NRCAM: variants seen among roughly 807,000 people sequenced by gnomAD.
NRCAM encodes the protein neuronal cell adhesion molecule.
NRCAM carries 83 observed loss-of-function variants against 156.5 expected under a neutral mutation model. That is an observed-to-expected ratio of 0.53 (90% CI 0.44 to 0.64). The LOEUF (loss-of-function observed/expected upper bound fraction) is 0.64, where lower values mean the gene tolerates loss of function less well. NRCAM is among the 30% of genes least tolerant of loss of function. The probability of loss-of-function intolerance (pLI) is 0.00; values close to 1 mark genes in which losing one functional copy is unlikely to be tolerated. For missense variants in NRCAM, 1,417 were observed against 1,597.3 expected, an observed-to-expected ratio of 0.89 and a Z score of 1.92; for synonymous variants, 538 against 563.9, an observed-to-expected ratio of 0.95 and a Z score of 0.65.
intron 1 of NRCAM, among the ~76,000 whole-genome samples, chr7:108,442,252 G>A (rs1839396728): frequency 6.6e-6 from 1 of 152,146 alleles, no homozygotes; most frequent in African/African-American, 2.4e-5. Context: ...ACAGACAGCA[G>A]CTGCCACGAG....
chr7:108,190,420 C>G (rs1175892813), intron 19 of NRCAM, among the ~76,000 whole-genome samples: 2 of 152,100 alleles, frequency 1.3e-5, no homozygotes, highest in Non-Finnish European at 2.9e-5. Flanking sequence ...TTTATTTGAC[C>G]TTGCTCCTAG....
At chr7:108,382,155 G>A (rs1401335943) in intron 2 of NRCAM, among the ~76,000 whole-genome samples, 1 of 152,016 alleles carries the variant, frequency 6.6e-6, no homozygotes, top group Admixed American at 6.6e-5. Flanking sequence ...AACCCACAGA[G>A]TCACAGAAGA....
At chr7:108,442,659 T>C (rs1839947654) in intron 1 of NRCAM, among the ~76,000 whole-genome samples, 1 of 152,224 alleles carries the variant, frequency 6.6e-6, no homozygotes, top group Non-Finnish European at 1.5e-5. Context: ...CCCATGCTAG[T>C]ACATCTGCAA....
At chr7:108,207,448 T>A in intron 13 of NRCAM, 80 bp downstream of exon 13, 1 of 1,432,024 alleles carries the variant, frequency 7.0e-7, no homozygotes, top group Non-Finnish European at 9.5e-7. Flanking sequence ...GAGTTATTTT[T>A]TTATCACCAT....
chr7:108,397,594 C>T (rs143082975), intron 2 of NRCAM, among the ~76,000 whole-genome samples: 5 of 152,230 alleles, frequency 3.3e-5, no homozygotes, highest in African/African-American at 1.2e-4. Flanking sequence ...CTGAAGAATG[C>T]AAGAAAGACC....
intron 2 of NRCAM, among the ~76,000 whole-genome samples, chr7:108,384,028 A>G (rs887544552): frequency 1.3e-5 from 2 of 152,200 alleles, no homozygotes; most frequent in Non-Finnish European, 2.9e-5. Context: ...TCCAGCTCTT[A>G]TAAGTGGGAG....
intron 11 of NRCAM, among the ~76,000 whole-genome samples, chr7:108,215,852 T>G (rs567245437): frequency 4.6e-5 from 7 of 152,254 alleles, no homozygotes; most frequent in Admixed American, 3.9e-4. Flanking sequence ...TGATGGGTCT[T>G]GATTCGTTAT....
intron 8 of NRCAM, among the ~76,000 whole-genome samples, chr7:108,228,469 G>T (rs1177364809): frequency 6.6e-6 from 1 of 151,912 alleles, no homozygotes; most frequent in Non-Finnish European, 1.5e-5. Flanking sequence ...TTAGGCGATG[G>T]GACTTCATGA....
intron 1 of NRCAM, among the ~76,000 whole-genome samples, chr7:108,444,036 T>C (rs1313881429): frequency 6.6e-6 from 1 of 152,142 alleles, no homozygotes; most frequent in Non-Finnish European, 1.5e-5. Context: ...TTTGCATCTG[T>C]AGATTCAACC....
intron 3 of NRCAM, among the ~76,000 whole-genome samples, chr7:108,275,481 A>G (rs2097559538): frequency 6.6e-6 from 1 of 152,240 alleles, no homozygotes; most frequent in Admixed American, 6.5e-5. Context: ...GTATTTGTCC[A>G]GGAATTTATC....
At chr7:108,274,798 G>A (rs185080460) in intron 3 of NRCAM, among the ~76,000 whole-genome samples, 20 of 152,290 alleles carry the variant, frequency 1.3e-4, no homozygotes, top group Non-Finnish European at 2.6e-4. Flanking sequence ...GGCGACAGAC[G>A]GCATCCTTGT....
intron 1 of NRCAM, among the ~76,000 whole-genome samples, chr7:108,418,215 G>T (rs540201267): frequency 1.3e-5 from 2 of 152,194 alleles, no homozygotes; most frequent in African/African-American, 4.8e-5. Context: ...AGTGCAAAAG[G>T]ACTTGCTGAC....
chr7:108,226,358 T>C lies in NRCAM; in HGVS notation c.571A>G (p.Ser191Gly), dbSNP rs759512991. 1 of 1,612,680 alleles carries C rather than the reference T, an allele frequency of 6.2e-7. No individual in the cohort carries two copies. Among genetic ancestry groups the C allele is most frequent in the Non-Finnish European group, 8.5e-7 (1 of 1,179,264 alleles). Reference sequence around the variant, plus strand: ...TTCAAACCTTGAGAAACTCTCTCACTTTGTGGAAGTCTTTGAAAGGCTGGA... The same window carrying C: ...TTCAAACCTTGAGAAACTCTCTCACCTTGTGGAAGTCTTTGAAAGGCTGGA... ...MDNSFQRLPQ[S>G]ERVSQGLNGD... Residue 191 changes from serine (S) to glycine (G), a missense_variant, in exon 9 of 33, where the codon AGT becomes GGT. Ser to Gly is a moderately conservative substitution (Grantham distance 56). Coordinates refer to ENST00000379028, the MANE Select transcript of NRCAM (RefSeq NM_001037132.4).
intron 29 of NRCAM, among the ~76,000 whole-genome samples, chr7:108,167,509 C>T (rs142805118): frequency 2.6e-5 from 4 of 152,146 alleles, no homozygotes; most frequent in Non-Finnish European, 4.4e-5. Context: ...TGCCTTCCAA[C>T]GTATCCAATT....
rs114694815 is a variant in NRCAM, at chr7:108,338,752, A to T, written c.-173-26021T>A. Among the ~76,000 whole-genome samples the T allele has an allele frequency of 5.4e-3, 816 of 151,282 alleles. 7 individuals carry two copies. The highest frequency in any genetic ancestry group is 0.017 in the African/African-American group (712 of 41,152). On this transcript the variant is annotated intron_variant, in intron 2 of 32. Coordinates refer to ENST00000379028, the MANE Select transcript of NRCAM (RefSeq NM_001037132.4). ...TTCCTTTAAAAGCCAGGGTAAATTT[A>T]AAAAACCTATACTTGATAATTGAAG...
At chr7:108,154,955 T>C (rs1008798885) in intron 32 of NRCAM, among the ~76,000 whole-genome samples, 1 of 152,012 alleles carries the variant, frequency 6.6e-6, no homozygotes, top group Non-Finnish European at 1.5e-5. Flanking sequence ...AATTCCAAGA[T>C]GAATTTTGTA....
intron 2 of NRCAM, among the ~76,000 whole-genome samples, chr7:108,369,046 T>C (rs1428037336): frequency 6.6e-6 from 1 of 152,182 alleles, no homozygotes; most frequent in Non-Finnish European, 1.5e-5. Flanking sequence ...ATGTATTCTA[T>C]ATAATTCTCT....
intron 32 of NRCAM, among the ~76,000 whole-genome samples, chr7:108,151,315 T>C (rs2150906039): frequency 6.6e-6 from 1 of 152,234 alleles, no homozygotes; most frequent in South Asian, 2.1e-4. Context: ...TTTTTACTAA[T>C]GTAAAAATGA....
intron 3 of NRCAM, among the ~76,000 whole-genome samples, chr7:108,309,184 T>A (rs1212385597): frequency 6.6e-6 from 1 of 152,238 alleles, no homozygotes; most frequent in Non-Finnish European, 1.5e-5. Flanking sequence ...AGTATGCTAA[T>A]GTTTCAAGAG....
Sources: gnomAD v4.1 joint callset for allele counts (sites outside exome capture counted in the v4.1 genomes callset) on GRCh38, gnomAD v4.1.1 for gene constraint, MANE v1.5 for transcripts, NCBI Gene and HGNC (gene_info 2026-07-23, HGNC 2026-07-21) for gene names.